KCNH7: variants seen among roughly 807,000 people sequenced by gnomAD.
KCNH7 encodes the protein voltage-gated inwardly rectifying potassium channel KCNH7.
In KCNH7, 49 loss-of-function variants were observed where a neutral mutation model predicts 120.8. The observed-to-expected ratio is 0.41, with a 90% CI of 0.32 to 0.51. The LOEUF (loss-of-function observed/expected upper bound fraction) is 0.51, where lower values mean the gene tolerates loss of function less well. KCNH7 is among the 20% of genes least tolerant of loss of function. The pLI is 0.38. For missense variants in KCNH7, 1,097 were observed against 1,446.6 expected, an observed-to-expected ratio of 0.76 and a Z score of 3.92; for synonymous variants, 547 against 516.1, an observed-to-expected ratio of 1.06 and a Z score of -0.81.
intron 2 of KCNH7, among the ~76,000 whole-genome samples, chr2:162,570,961 A>T (rs1693450839): frequency 6.6e-6 from 1 of 152,126 alleles, no homozygotes; most frequent in Non-Finnish European, 1.5e-5. Flanking sequence ...CAAAAACTGG[A>T]AGCATTCCCT....
At position 162,425,464 on chromosome 2, in the gene KCNH7, T is replaced by C. The variant is rs77652369; in HGVS notation, c.1955-1929A>G. The stretch of plus-strand genomic sequence containing the variant: ...AGAAAAGGTGAGCCTAAATTGTTTT[T>C]GAGTAAATGAATCATTCTTTAAAAA... On this transcript the variant is annotated intron_variant, in intron 8 of 15. Transcript: ENST00000332142. Among the ~76,000 whole-genome samples, 369 of 152,298 alleles carry C rather than the reference T, an allele frequency of 2.4e-3. 1 individual carries two copies. Among genetic ancestry groups the C allele is most frequent in the Non-Finnish European group, 4.2e-3 (287 of 68,036 alleles).
intron 2 of KCNH7, among the ~76,000 whole-genome samples, chr2:162,538,543 T>A (rs941657322): frequency 6.6e-6 from 1 of 151,944 alleles, no homozygotes; most frequent in Non-Finnish European, 1.5e-5. Flanking sequence ...AGCTGAAGGA[T>A]CTTTTTGGGA....
intron 2 of KCNH7, among the ~76,000 whole-genome samples, chr2:162,671,884 T>A (rs1685372604): frequency 1.3e-5 from 2 of 152,092 alleles, no homozygotes; most frequent in Non-Finnish European, 2.9e-5. Flanking sequence ...AACTGGAGAT[T>A]AATTGTTCAA....
intron 2 of KCNH7, among the ~76,000 whole-genome samples, chr2:162,578,319 T>C (rs773870000): frequency 6.6e-6 from 1 of 152,064 alleles, no homozygotes; most frequent in Non-Finnish European, 1.5e-5. Flanking sequence ...TTTAAATATT[T>C]ATATTTATTT....
chr2:162,572,215 C>T (rs1302682698), intron 2 of KCNH7, among the ~76,000 whole-genome samples: 2 of 151,896 alleles, frequency 1.3e-5, no homozygotes, highest in African/African-American at 2.4e-5. Context: ...AAATAAACAA[C>T]CCCATCAAAA....
In KCNH7 at chr2:162,396,835, C is replaced by T. The variant is rs1686925065; in HGVS notation, c.2518G>A (p.Asp840Asn). 6.2e-7 allele frequency: 1 copy of T among 1,611,790 alleles called. No individual in the cohort carries two copies. Among genetic ancestry groups the T allele is most frequent in the African/African-American group, 1.3e-5 (1 of 74,790 alleles). The change falls in exon 11 of 16, where the codon GAC becomes AAC. Residue 840 changes from aspartate (D) to asparagine (N), a missense_variant. By Grantham distance (23) the Asp-to-Asn change is conservative. Around this residue, in one of 8 missense-constraint regions of KCNH7, gnomAD observed 101 missense variants for 176.3 expected, o/e 0.57. Coordinates refer to ENST00000332142, the MANE Select transcript of KCNH7 (RefSeq NM_033272.4). Reference protein sequence around the residue: ...YCDLHKIQREDLLEVLDMYPE... With the variant: ...YCDLHKIQRENLLEVLDMYPE... ...TACATATCCAAAACCTCTAACAAGT[C>T]TTCTCGCTGAATCTTATGCAAGTCA...
intron 2 of KCNH7, among the ~76,000 whole-genome samples, chr2:162,817,336 T>C (rs1175400696): frequency 6.6e-6 from 1 of 152,180 alleles, no homozygotes; most frequent in East Asian, 1.9e-4. Context: ...TTCTTTTGTT[T>C]CTGGCATTTT....
chr2:162,622,282 A>G (rs1394178040), intron 2 of KCNH7, among the ~76,000 whole-genome samples: 1 of 152,182 alleles, frequency 6.6e-6, no homozygotes, highest in Non-Finnish European at 1.5e-5. Context: ...ATCCCTTCAT[A>G]TGATGATATG....
Position 162,381,231 on chromosome 2 carries a change from C to G in KCNH7, c.2963-1210G>C, listed in dbSNP as rs192419817. On this transcript the variant is annotated intron_variant, in intron 13 of 15. Transcript: ENST00000332142. ...GTTTGATAGAAAGACTTAAAAAAAA[C>G]TTGACAAGTATCTATGATTAAACAC... Among the ~76,000 whole-genome samples, 451 of 152,098 alleles carry G rather than the reference C, an allele frequency of 3.0e-3. 3 individuals carry two copies. Among genetic ancestry groups the G allele is most frequent in the African/African-American group, 0.01 (426 of 41,512 alleles).
At chr2:162,786,770 A>T (rs536616182) in intron 2 of KCNH7, among the ~76,000 whole-genome samples, 1 of 152,304 alleles carries the variant, frequency 6.6e-6, no homozygotes, top group South Asian at 2.1e-4. Flanking sequence ...AAATAAATAA[A>T]TAAGAAGAGG....
intron 2 of KCNH7, among the ~76,000 whole-genome samples, chr2:162,548,252 C>T (rs1247954849): frequency 6.6e-6 from 1 of 152,162 alleles, no homozygotes; most frequent in Non-Finnish European, 1.5e-5. Flanking sequence ...GGCTTGGACA[C>T]AAGGCCTTGC....
intron 2 of KCNH7, among the ~76,000 whole-genome samples, chr2:162,545,300 G>A (rs1281804438): frequency 6.6e-6 from 1 of 152,158 alleles, no homozygotes; most frequent in African/African-American, 2.4e-5. Context: ...CATTTTCTAA[G>A]TTTATTTGAC....
At chr2:162,700,725 T>C (rs1686466834) in intron 2 of KCNH7, among the ~76,000 whole-genome samples, 1 of 152,206 alleles carries the variant, frequency 6.6e-6, no homozygotes, top group Non-Finnish European at 1.5e-5. Context: ...TTAAAAACTG[T>C]TGCTCTCAGT....
chr2:162,617,296 G>A (rs1683173459), intron 2 of KCNH7, among the ~76,000 whole-genome samples: 1 of 151,996 alleles, frequency 6.6e-6, no homozygotes, highest in Non-Finnish European at 1.5e-5. Context: ...TGACTAACAC[G>A]ATGAAACCCC....
At chr2:162,803,715 G>T (rs1225535979) in intron 2 of KCNH7, among the ~76,000 whole-genome samples, 1 of 151,586 alleles carries the variant, frequency 6.6e-6, no homozygotes, top group Non-Finnish European at 1.5e-5. Context: ...TTTTTACTTT[G>T]GTATATAATT....
In KCNH7 at chr2:162,614,620, G is replaced by A. The variant is rs377572154; in HGVS notation, c.308-77540C>T. On this transcript the variant is annotated intron_variant, in intron 2 of 15. Transcript: ENST00000332142. ...AAAAACATAATAGGATAGAAAAATCGATTTTCAGAATACATGTCATATGAT... is the reference window on the plus strand; with the variant it reads ...AAAAACATAATAGGATAGAAAAATCAATTTTCAGAATACATGTCATATGAT... 1.7e-4 allele frequency among the ~76,000 whole-genome samples: 26 copies of A among 150,762 alleles called. 3 individuals carry two copies. The highest frequency in any genetic ancestry group is 1.3e-3 in the Admixed American group (20 of 15,090).
At chr2:162,422,667 A>C (rs1161599587) in intron 9 of KCNH7, among the ~76,000 whole-genome samples, 2 of 152,106 alleles carry the variant, frequency 1.3e-5, no homozygotes, top group Non-Finnish European at 2.9e-5. Context: ...GCAGTGATAC[A>C]GGAAGGGAGG....
At chr2:162,435,675 A>C (rs753945589) in intron 7 of KCNH7, 78 bp from the exon 8 acceptor site, 2 of 1,407,442 alleles carry the variant, frequency 1.4e-6, no homozygotes, top group Non-Finnish European at 1.9e-6. Flanking sequence ...AAGTGGACAA[A>C]AACAGGTTAA....
At chr2:162,574,632 C>A (rs899369221) in intron 2 of KCNH7, among the ~76,000 whole-genome samples, 2 of 152,044 alleles carry the variant, frequency 1.3e-5, no homozygotes, top group Non-Finnish European at 2.9e-5. Flanking sequence ...TCTAGAAGAA[C>A]AATCCATGGG....
Sources: gnomAD v4.1 joint callset for allele counts (sites outside exome capture counted in the v4.1 genomes callset) on GRCh38, gnomAD v4.1.1 for gene constraint, gnomAD v4.1.1 regional missense constraint, MANE v1.5 for transcripts, NCBI Gene and HGNC (gene_info 2026-07-23, HGNC 2026-07-21) for gene names.